Variants in TDRP observed in about 807,000 individuals in gnomAD.
TDRP encodes testis development-related protein.
Under a neutral mutation model 10.5 loss-of-function variants are expected in TDRP, and 12 were observed. That is an observed-to-expected ratio of 1.15 (90% CI 0.73 to 1.86). The LOEUF is 1.86. TDRP is among the 40% of genes most tolerant of loss of function. The pLI is 0.00. For missense variants in TDRP, 353 were observed against 229.2 expected (o/e 1.54, Z -3.49); for synonymous variants, 139 against 95.4 (o/e 1.46, Z -2.67).
At position 490,791 on chromosome 8, in the gene TDRP, AG is replaced by A. The variant is rs1340838734; in HGVS notation, c.*1607del. ...AAACCTCCACAACTTCACCATTTCA[AG>A]GTTCTAATACAAGCTGGAATTTTTG... is the stretch of plus-strand genomic sequence containing the variant. On this transcript the variant is annotated 3_prime_UTR_variant, in exon 3 of 3. Transcript: ENST00000324079. 3.9e-5 allele frequency: 6 copies of A among 152,230 alleles called. No individual in the cohort carries two copies. Among genetic ancestry groups the A allele is most frequent in the African/African-American group, 1.2e-4 (5 of 41,456 alleles). The allele number at this position is 152,230 out of a possible 1,614,324, so 9.4% of individuals were successfully genotyped here.
At chr8:543,927 A>AGGGGGGGGGG (rs1196311229) in intron 1 of TDRP, among the ~76,000 whole-genome samples, 1 of 11,382 alleles carries the variant, frequency 8.8e-5, no homozygotes, top group Non-Finnish European at 1.7e-4. Context: ...GGAAAAAGGG[A>AGGGGGGGGGG]GGGGGGGGGA....
At chr8:544,615 G>T in intron 1 of TDRP, 35 bp downstream of exon 1, 1 of 1,213,022 alleles carries the variant, frequency 8.2e-7, no homozygotes, top group Non-Finnish European at 1.0e-6. Flanking sequence ...CGCGCCCCCG[G>T]CCTACTAGCA....
intron 1 of TDRP, among the ~76,000 whole-genome samples, chr8:534,348 G>T (rs550205927): frequency 6.6e-6 from 1 of 152,180 alleles, no homozygotes; most frequent in African/African-American, 2.4e-5. Context: ...TAGGGTTCCC[G>T]CGAGCCTCTG....
rs906359118 is a variant in TDRP at position 492,246 on chromosome 8, G to T, written c.*153C>A. ...TTCACCAAGGAGTCACAGTGTGTGT[G>T]AGAGTTCATTAAATAAAGAAACAGA... On this transcript the variant is annotated 3_prime_UTR_variant, in exon 3 of 3. Coordinates refer to ENST00000324079, the MANE Select transcript of TDRP (RefSeq NM_001384899.1). 2 of 1,338,726 alleles carry T rather than the reference G, an allele frequency of 1.5e-6. No individual in the cohort carries two copies. The highest frequency in any genetic ancestry group is 1.5e-5 in the African/African-American group (1 of 67,554). The allele number at this position is 1,338,726 out of a possible 1,614,324, so 82.9% of individuals were successfully genotyped here.
At chr8:527,199 T>C (rs934320413) in intron 1 of TDRP, among the ~76,000 whole-genome samples, 2 of 152,066 alleles carry the variant, frequency 1.3e-5, no homozygotes, top group East Asian at 3.9e-4. Flanking sequence ...ACCTAAGAAG[T>C]AACTGAACCA....
At chr8:495,505 C>T (rs1801100203) in intron 1 of TDRP, among the ~76,000 whole-genome samples, 1 of 152,162 alleles carries the variant, frequency 6.6e-6, no homozygotes, top group Admixed American at 6.5e-5. Context: ...TTAATACCAT[C>T]TTGGATACAA....
chr8:530,237 C>A (rs1201275644), intron 1 of TDRP, among the ~76,000 whole-genome samples: 1 of 151,964 alleles, frequency 6.6e-6, no homozygotes, highest in Non-Finnish European at 1.5e-5. Flanking sequence ...CTTGTTATTG[C>A]ATTTTTTCTG....
intron 1 of TDRP, among the ~76,000 whole-genome samples, chr8:538,486 C>A (rs898717674): frequency 6.6e-6 from 1 of 152,194 alleles, no homozygotes; most frequent in Admixed American, 6.5e-5. Flanking sequence ...GGGCTAAGCA[C>A]CGCCTCAATA....
chr8:492,820 A>G, intron 2 of TDRP, 76 bp from the exon 3 acceptor site: 3 of 1,147,174 alleles, frequency 2.6e-6, no homozygotes, highest in Non-Finnish European at 3.6e-6. Context: ...TACAAACATA[A>G]AATTCTTTAA....
At chr8:509,566 G>T (rs1554459795) in intron 1 of TDRP, among the ~76,000 whole-genome samples, 1 of 152,132 alleles carries the variant, frequency 6.6e-6, no homozygotes, top group Non-Finnish European at 1.5e-5. Context: ...GGGAGACAGG[G>T]CACCAAGAAC....
intron 1 of TDRP, 70 bp from the exon 2 acceptor site, chr8:494,667 T>C (rs1484498765): frequency 7.4e-7 from 1 of 1,358,518 alleles, no homozygotes; most frequent in Non-Finnish European, 1.0e-6. Context: ...TCTACTCCAA[T>C]AACCATGGAG....
intron 1 of TDRP, among the ~76,000 whole-genome samples, chr8:516,077 T>C (rs1267677937): frequency 1.3e-5 from 2 of 152,162 alleles, no homozygotes; most frequent in Non-Finnish European, 2.9e-5. Context: ...CATACCTGAA[T>C]GCCTGAATGG....
chr8:544,279 C>A (rs1563135917), intron 1 of TDRP, among the ~76,000 whole-genome samples: 1 of 152,034 alleles, frequency 6.6e-6, no homozygotes, highest in Non-Finnish European at 1.5e-5. Flanking sequence ...CCCGGGCCCA[C>A]GACGCCCGCG....
chr8:544,808 G>T lies in TDRP; in HGVS notation c.-51C>A. 1 of 1,185,460 alleles carries T rather than the reference G, an allele frequency of 8.4e-7. No homozygotes were observed. 73.4% of individuals were successfully genotyped at this position (1,185,460 alleles called of 1,614,324 possible). A position where few individuals can be genotyped will look rare whatever the true frequency, so the allele number is the denominator to read the frequency against. On this transcript the variant is annotated 5_prime_UTR_variant, in exon 1 of 3. Coordinates refer to ENST00000324079, the MANE Select transcript of TDRP (RefSeq NM_001384899.1). ...CGTCCGTGCGTCGGGCTGTGGCTCC[G>T]CGTCCCTCCCGGCCGCCGGACGCTC...
intron 1 of TDRP, among the ~76,000 whole-genome samples, chr8:502,396 A>G (rs1801330739): frequency 6.6e-6 from 1 of 152,238 alleles, no homozygotes; most frequent in Admixed American, 6.5e-5. Context: ...ACCAAATTGC[A>G]GGGTGCCAGG....
chr8:512,270 CAACA>C (rs749974176), intron 1 of TDRP, among the ~76,000 whole-genome samples: 1 of 124,456 alleles, frequency 8.0e-6, no homozygotes. Context: ...ACAACAACAA[CAACA>C]AAAAAAAAAA....
rs1484455591 is a variant in TDRP, at chr8:521,184, T to A, written c.108+23466A>T. On this transcript the variant is annotated intron_variant, in intron 1 of 2. Transcript: ENST00000324079. ...TTGGGAGGCCGAGGCAGGCGGATCA[T>A]GAGGTCAGGAGATAGAGATCATCCT... Among the ~76,000 whole-genome samples the A allele has an allele frequency of 2.1e-5, 3 of 141,866 alleles. No individual in the cohort carries two copies. In the East Asian group the frequency reaches 6.2e-4, roughly 29 times the overall value. 93.1% of individuals were successfully genotyped at this position (141,866 alleles called of 152,430 possible). A position where few individuals can be genotyped will look rare whatever the true frequency, so the allele number is the denominator to read the frequency against.
chr8:509,932 T>C (rs1018143095), intron 1 of TDRP, among the ~76,000 whole-genome samples: 5 of 152,142 alleles, frequency 3.3e-5, no homozygotes, highest in South Asian at 4.1e-4. Flanking sequence ...TGGGAACTGC[T>C]TGGGGCAAAC....
intron 1 of TDRP, among the ~76,000 whole-genome samples, chr8:521,586 T>A (rs1801906910): frequency 6.6e-6 from 1 of 152,222 alleles, no homozygotes; most frequent in Non-Finnish European, 1.5e-5. Flanking sequence ...GTTCCATTGT[T>A]CTATATGTCC....
Sources: gnomAD v4.1 joint callset for allele counts (sites outside exome capture counted in the v4.1 genomes callset) on GRCh38, gnomAD v4.1.1 for gene constraint, MANE v1.5 for transcripts, NCBI Gene and HGNC (gene_info 2026-07-23, HGNC 2026-07-21) for gene names.